TOPAZ1: variants seen among roughly 807,000 people sequenced by gnomAD.
The protein encoded by TOPAZ1 is protein TOPAZ1.
TOPAZ1 carries 66 observed loss-of-function variants against 172.2 expected under a neutral mutation model. The ratio of observed to expected loss-of-function variants is 0.38; its 90% CI spans 0.31 to 0.47. The LOEUF is 0.47. Among genes scored for constraint, TOPAZ1 ranks in the 20% least tolerant of loss-of-function variants. The pLI is 0.99. For synonymous variants in TOPAZ1, 681 were observed against 683.9 expected (o/e 1.00, Z 0.07); for missense variants, 1,822 against 1,972.4 (o/e 0.92, Z 1.44).
intron 16 of TOPAZ1, 133 bp from the exon 17 acceptor site, chr3:44,320,894 G>A (rs2125704827): frequency 1.8e-6 from 1 of 556,348 alleles, no homozygotes; most frequent in East Asian, 3.3e-5. Flanking sequence ...TTGAGCCATG[G>A]TTATCTTCTC....
chr3:44,252,208 A>G (rs1294675581), intron 2 of TOPAZ1, among the ~76,000 whole-genome samples: 1 of 152,214 alleles, frequency 6.6e-6, no homozygotes, highest in Non-Finnish European at 1.5e-5. Context: ...GGATAATTAG[A>G]GGCCACAGAA....
intron 9 of TOPAZ1, among the ~76,000 whole-genome samples, chr3:44,283,961 A>G (rs1483813102): frequency 2.0e-5 from 3 of 152,162 alleles, no homozygotes; most frequent in African/African-American, 7.2e-5. Flanking sequence ...AAATTTTGTC[A>G]CTTGACCCAA....
At position 44,323,374 on chromosome 3, in the gene TOPAZ1, A is replaced by T. The variant is rs971965972; in HGVS notation, c.4675+79A>T. 7.0e-6 allele frequency: 6 copies of T among 859,702 alleles called. No homozygotes were observed. In the African/African-American group the frequency reaches 1.0e-4, roughly 15 times the overall value. The allele number at this position is 859,702 out of a possible 1,614,324, so 53.3% of individuals were successfully genotyped here. ...CCCAGAATTTATAATATATAAGATT[A>T]GATATTTATATGTATTAAAAGAGCA... On this transcript the variant is annotated intron_variant, in intron 18 of 19. Coordinates refer to ENST00000309765, the MANE Select transcript of TOPAZ1 (RefSeq NM_001145030.2).
intron 12 of TOPAZ1, among the ~76,000 whole-genome samples, chr3:44,299,157 G>A (rs1478140206): frequency 1.3e-5 from 2 of 151,006 alleles, no homozygotes; most frequent in African/African-American, 2.4e-5. Context: ...TGCTGACCTC[G>A]TGATTCACCC....
intron 12 of TOPAZ1, among the ~76,000 whole-genome samples, chr3:44,299,994 C>A (rs1700251036): frequency 6.6e-6 from 1 of 150,946 alleles, no homozygotes; most frequent in African/African-American, 2.4e-5. Flanking sequence ...GGAGATATAC[C>A]TAATGCTAAA....
chr3:44,261,565 A>G (rs900736210), intron 4 of TOPAZ1, among the ~76,000 whole-genome samples: 1 of 152,160 alleles, frequency 6.6e-6, no homozygotes, highest in Admixed American at 6.5e-5. Context: ...ATAGCCCTGT[A>G]GCGTAGTTTG....
intron 19 of TOPAZ1, among the ~76,000 whole-genome samples, chr3:44,328,761 T>C (rs1700631104): frequency 6.6e-6 from 1 of 152,202 alleles, no homozygotes; most frequent in Non-Finnish European, 1.5e-5. Flanking sequence ...ATAAAAATCT[T>C]TATCTCTAGT....
intron 11 of TOPAZ1, 144 bp downstream of exon 11, chr3:44,287,983 G>GA: frequency 1.7e-6 from 1 of 577,736 alleles, no homozygotes; most frequent in Non-Finnish European, 3.0e-6. Flanking sequence ...TTTTTCTCTT[G>GA]AAATAGGGTT....
At chr3:44,335,248 T>A (rs1272824635), downstream of TOPAZ1, among the ~76,000 whole-genome samples, 1 of 152,092 alleles carries the variant, frequency 6.6e-6, no homozygotes, top group Non-Finnish European at 1.5e-5. Context: ...GGTAATACAT[T>A]TTTGAGGCTT....
intron 16 of TOPAZ1, among the ~76,000 whole-genome samples, chr3:44,313,549 G>A (rs1399935298): frequency 4.0e-5 from 6 of 150,984 alleles, no homozygotes; most frequent in Admixed American, 1.3e-4. Flanking sequence ...CCCGGGAGGC[G>A]GAGCTTGCAG....
chr3:44,308,593 T>C (rs185287735), intron 15 of TOPAZ1, among the ~76,000 whole-genome samples: 9 of 152,054 alleles, frequency 5.9e-5, no homozygotes, highest in Non-Finnish European at 8.8e-5. Flanking sequence ...AACATACATA[T>C]GCATGTGTCT....
intron 12 of TOPAZ1, among the ~76,000 whole-genome samples, chr3:44,299,509 G>A (rs1263757192): frequency 1.3e-5 from 2 of 151,940 alleles, no homozygotes; most frequent in Non-Finnish European, 2.9e-5. Flanking sequence ...TGGTGGGACA[G>A]TAAACTAGTT....
chr3:44,305,117 TTTTTG>T, intron 13 of TOPAZ1, 25 bp from the exon 14 acceptor site: 1 of 1,441,532 alleles, frequency 6.9e-7, no homozygotes, highest in Non-Finnish European at 9.3e-7. Context: ...TTCTTTTTCT[TTTTTG>T]TTTTGTTTTT....
intron 16 of TOPAZ1, among the ~76,000 whole-genome samples, chr3:44,311,696 G>T (rs1700399261): frequency 2.6e-5 from 4 of 152,118 alleles, no homozygotes; most frequent in African/African-American, 9.7e-5. Flanking sequence ...ATGCTCAGTT[G>T]TTCCTAGAAT....
downstream of TOPAZ1, among the ~76,000 whole-genome samples, chr3:44,333,905 A>AT (rs1184164427): frequency 2.0e-5 from 3 of 152,250 alleles, no homozygotes; most frequent in East Asian, 5.8e-4. Context: ...GCCACAGGAG[A>AT]TTTTTCCTTA....
intron 12 of TOPAZ1, among the ~76,000 whole-genome samples, chr3:44,297,169 C>A (rs200270650): frequency 4.8e-4 from 65 of 135,518 alleles, no homozygotes; most frequent in South Asian, 6.8e-4. Flanking sequence ...AAGTCTGTCT[C>A]AAAAAAAAAA....
At chr3:44,279,935 C>A (rs548377444) in intron 8 of TOPAZ1, among the ~76,000 whole-genome samples, 1 of 152,042 alleles carries the variant, frequency 6.6e-6, no homozygotes, top group South Asian at 2.1e-4. Context: ...ACATTTGATT[C>A]TTTTCTCTTT....
Position 44,243,995 on chromosome 3 carries a change from T to G in TOPAZ1, c.1489T>G (p.Tyr497Asp). The G allele has an allele frequency of 6.4e-7, 1 of 1,552,256 alleles. No homozygotes were observed. The highest frequency in any genetic ancestry group is 8.7e-7 in the Non-Finnish European group (1 of 1,147,092). Residue 497 changes from tyrosine to aspartate, a missense_variant, in exon 2 of 20, where the codon TAT (tyrosine) becomes GAT (aspartate). Transcript: ENST00000309765. ...GACTGGTAAAAGAACTTGGCCCTAT[T>G]ATTCATGTGCTAGAATATCTGCCTG... ...PMTGKRTWPYYSCARISAWCW... is the reference protein window; with the variant it reads ...PMTGKRTWPYDSCARISAWCW...
At position 44,244,300 on chromosome 3, in the gene TOPAZ1, A is replaced by G; in HGVS notation, c.1794A>G (p.Ser598=). 6.4e-7 allele frequency: 1 copy of G among 1,550,976 alleles called. No individual in the cohort carries two copies. Among genetic ancestry groups the G allele is most frequent in the South Asian group, 1.2e-5 (1 of 83,730 alleles). Residue 598 remains serine (S), a synonymous_variant, in exon 2 of 20, where the codon TCA becomes TCG. Transcript: ENST00000309765. ...PIIKDDKKIK[S]EELSRRGSEV... ...TCAAGGATGATAAAAAGATAAAATC[A>G]GAGGAACTGAGCAGAAGAGGGTCAG...
Sources: gnomAD v4.1 joint callset for allele counts (sites outside exome capture counted in the v4.1 genomes callset) on GRCh38, gnomAD v4.1.1 for gene constraint, MANE v1.5 for transcripts, NCBI Gene and HGNC (gene_info 2026-07-23, HGNC 2026-07-21) for gene names.